ADIPOR2: variants seen among roughly 807,000 people sequenced by gnomAD.
ADIPOR2 encodes adiponectin receptor 2, also known as adiponectin receptor protein 2.
Under a neutral mutation model 40.9 loss-of-function variants are expected in ADIPOR2, and 18 were observed. That is an observed-to-expected ratio of 0.44 (90% confidence interval 0.30 to 0.65). The LOEUF is 0.65. Ranked by LOEUF, ADIPOR2 falls within the 30% of genes least tolerant of loss-of-function variation. The probability of loss-of-function intolerance (pLI) is 0.09; values close to 1 mark genes in which losing one functional copy is unlikely to be tolerated. For missense variants in ADIPOR2, 283 were observed against 479.2 expected (o/e 0.59, Z 3.82); for synonymous variants, 165 against 166.4 (o/e 0.99, Z 0.06).
intron 6 of ADIPOR2, among the ~76,000 whole-genome samples, chr12:1,783,483 T>C (rs1862767469): frequency 6.7e-6 from 1 of 148,572 alleles, no homozygotes; most frequent in African/African-American, 2.5e-5. Context: ...CACTGCAGCC[T>C]CTGCCCCCGG....
chr12:1,774,685 G>A (rs1862551150), intron 3 of ADIPOR2, among the ~76,000 whole-genome samples: 1 of 152,216 alleles, frequency 6.6e-6, no homozygotes, highest in South Asian at 2.1e-4. Flanking sequence ...GGAATAGGAT[G>A]TATGCTATGG....
intron 1 of ADIPOR2, among the ~76,000 whole-genome samples, chr12:1,695,569 A>C (rs1291884375): frequency 6.6e-6 from 1 of 150,828 alleles, no homozygotes; most frequent in Non-Finnish European, 1.5e-5. Context: ...AGGCTGAGGC[A>C]GGAGAATCGC....
At chr12:1,702,586 G>A (rs2094652642) in intron 1 of ADIPOR2, among the ~76,000 whole-genome samples, 2 of 151,604 alleles carry the variant, frequency 1.3e-5, no homozygotes, top group South Asian at 2.1e-4. Flanking sequence ...TCAAGTGTTT[G>A]TTTCTTGAAT....
chr12:1,762,896 G>A (rs1005676372), intron 2 of ADIPOR2, among the ~76,000 whole-genome samples: 4 of 152,122 alleles, frequency 2.6e-5, no homozygotes, highest in African/African-American at 9.7e-5. Context: ...TAAAAAGTGC[G>A]ATATGGCAAT....
chr12:1,718,662 A>C (rs2094692199), intron 1 of ADIPOR2, among the ~76,000 whole-genome samples: 1 of 152,254 alleles, frequency 6.6e-6, no homozygotes. Context: ...ATAGCAACTT[A>C]GCAGTTAAAA....
At chr12:1,736,215 A>G (rs2094730269) in intron 1 of ADIPOR2, among the ~76,000 whole-genome samples, 1 of 152,010 alleles carries the variant, frequency 6.6e-6, no homozygotes, top group African/African-American at 2.4e-5. Context: ...CTGTGAATCC[A>G]TCTGGTCCTG....
At chr12:1,772,474 AT>A (rs759950076) in intron 2 of ADIPOR2, among the ~76,000 whole-genome samples, 7 of 152,104 alleles carry the variant, frequency 4.6e-5, no homozygotes, top group Non-Finnish European at 1.5e-5. Flanking sequence ...ACAGTTAGTT[AT>A]TTTATGTGTC....
chr12:1,780,865 A>G, intron 5 of ADIPOR2, 24 bp from the exon 6 acceptor site: 2 of 1,554,962 alleles, frequency 1.3e-6, no homozygotes, highest in Non-Finnish European at 8.7e-7. Flanking sequence ...ACTGCATTAA[A>G]TGGATTTTTT....
chr12:1,702,364 T>G (rs1221998204), intron 1 of ADIPOR2, among the ~76,000 whole-genome samples: 1 of 152,194 alleles, frequency 6.6e-6, no homozygotes, highest in Non-Finnish European at 1.5e-5. Flanking sequence ...GGGAATTTTT[T>G]TAGCTGTATT....
chr12:1,769,099 G>A (rs1187985131), intron 2 of ADIPOR2, among the ~76,000 whole-genome samples: 1 of 152,038 alleles, frequency 6.6e-6, no homozygotes, highest in Non-Finnish European at 1.5e-5. Flanking sequence ...GGTATCTTTG[G>A]GTACTGTGGT....
Position 1,771,909 on chromosome 12 carries a change from T to G in ADIPOR2, c.172-933T>G, listed in dbSNP as rs555932354. 5.9e-5 allele frequency among the ~76,000 whole-genome samples: 9 copies of G among 152,330 alleles called. No homozygotes were observed. The South Asian group carries it at 1.9e-3, about 32-fold the overall frequency. On this transcript the variant is annotated intron_variant, in intron 2 of 7. Coordinates refer to ENST00000357103, the MANE Select transcript of ADIPOR2 (RefSeq NM_024551.3). The stretch of plus-strand genomic sequence containing the variant: ...TCATTGAGTTAAAGAATTATAGAAT[T>G]TTTTTAGAGATGTAGAAGACTGTAG...
chr12:1,785,911 C>T, intron 7 of ADIPOR2, 33 bp from the exon 8 acceptor site: 12 of 1,611,976 alleles, frequency 7.4e-6, no homozygotes, highest in Non-Finnish European at 1.0e-5. Flanking sequence ...GTATGGGTTT[C>T]TCTACCCCCT....
At chr12:1,745,389 G>GT (rs1332535586) in intron 1 of ADIPOR2, among the ~76,000 whole-genome samples, 1 of 152,134 alleles carries the variant, frequency 6.6e-6, no homozygotes, top group Non-Finnish European at 1.5e-5. Flanking sequence ...GAGCACAATG[G>GT]TTTTAGTACC....
intron 1 of ADIPOR2, among the ~76,000 whole-genome samples, chr12:1,743,243 A>AAAAAAAT (rs2094747176): frequency 1.7e-5 from 1 of 59,924 alleles, no homozygotes; most frequent in African/African-American, 3.3e-5. Context: ...AAAAAAAAAA[A>AAAAAAAT]AAACAAAGCA....
chr12:1,694,544 A>C (rs1592564614), intron 1 of ADIPOR2, among the ~76,000 whole-genome samples: 1 of 152,040 alleles, frequency 6.6e-6, no homozygotes, highest in East Asian at 2.0e-4. Flanking sequence ...AAAGACAAGA[A>C]AAAAAAGTCT....
intron 6 of ADIPOR2, among the ~76,000 whole-genome samples, chr12:1,781,689 G>A (rs1862723561): frequency 6.6e-6 from 1 of 152,156 alleles, no homozygotes; most frequent in African/African-American, 2.4e-5. Context: ...TAGCAGAGAT[G>A]TTCTTGTCTC....
At chr12:1,719,506 C>T (rs989671631) in intron 1 of ADIPOR2, among the ~76,000 whole-genome samples, 1 of 152,120 alleles carries the variant, frequency 6.6e-6, no homozygotes, top group Non-Finnish European at 1.5e-5. Flanking sequence ...TATAACTGCT[C>T]TAGCTGTTTT....
At chr12:1,731,533 G>C (rs79104444) in intron 1 of ADIPOR2, among the ~76,000 whole-genome samples, 1 of 152,128 alleles carries the variant, frequency 6.6e-6, no homozygotes, top group Non-Finnish European at 1.5e-5. Context: ...CCAGTTCCTG[G>C]TAAGTTCTAT....
chr12:1,748,326 G>A (rs977830772), intron 1 of ADIPOR2, among the ~76,000 whole-genome samples: 2 of 152,074 alleles, frequency 1.3e-5, no homozygotes, highest in East Asian at 1.9e-4. Flanking sequence ...TCGGCTCACT[G>A]CAAACTCCGC....
Sources: gnomAD v4.1 joint callset for allele counts (sites outside exome capture counted in the v4.1 genomes callset) on GRCh38, gnomAD v4.1.1 for gene constraint, MANE v1.5 for transcripts, NCBI Gene and HGNC (gene_info 2026-07-23, HGNC 2026-07-21) for gene names.